GID4: variants seen among roughly 807,000 people sequenced by gnomAD.
The protein encoded by GID4 is glucose-induced degradation protein 4 homolog.
GID4 carries 7 observed loss-of-function variants against 32.4 expected under a neutral mutation model. The observed-to-expected ratio is 0.22, with a 90% CI of 0.12 to 0.41. The LOEUF (loss-of-function observed/expected upper bound fraction) is 0.41. GID4 is among the 10% of genes least tolerant of loss of function. The probability of loss-of-function intolerance (pLI) is 1.00; values close to 1 mark genes in which losing one functional copy is unlikely to be tolerated. For missense variants in GID4, 309 were observed against 400.0 expected (o/e 0.77, Z 1.94); for synonymous variants, 166 against 170.0 (o/e 0.98, Z 0.18).
In GID4 at chr17:18,067,603, T is replaced by C. The variant is rs191555982; in HGVS notation, c.*2360T>C. On this transcript the variant is annotated 3_prime_UTR_variant, in exon 6 of 6. Coordinates refer to ENST00000268719, the MANE Select transcript of GID4 (RefSeq NM_024052.5). Reference sequence around the variant, plus strand: ...CACCTCCTCTTAGTAACTCCTGAATTACCAACATCAACTTCTTTCTCTCCG... The same window carrying C: ...CACCTCCTCTTAGTAACTCCTGAATCACCAACATCAACTTCTTTCTCTCCG... 2 of 152,768 alleles carry C rather than the reference T, an allele frequency of 1.3e-5. No homozygotes were observed. The highest frequency in any genetic ancestry group is 3.9e-4 in the East Asian group (2 of 5,188). 9.5% of individuals were successfully genotyped at this position (152,768 alleles called of 1,614,324 possible). A position where few individuals can be genotyped will look rare whatever the true frequency, so the allele number is the denominator to read the frequency against.
chr17:18,056,908 G>T, intron 3 of GID4: 1 of 1,550,580 alleles, frequency 6.4e-7, no homozygotes. Context: ...CACCACTCAT[G>T]GAGGACTCCC....
At chr17:18,056,721 G>A in intron 3 of GID4, 4 of 1,550,206 alleles carry the variant, frequency 2.6e-6, no homozygotes, top group Non-Finnish European at 3.5e-6. Context: ...AAGATATCTG[G>A]ATCTGCAGAC....
At chr17:18,060,119 A>C (rs1172041659) in intron 4 of GID4, among the ~76,000 whole-genome samples, 1 of 140,596 alleles carries the variant, frequency 7.1e-6, no homozygotes, top group Non-Finnish European at 1.5e-5. Flanking sequence ...AATGGGGATC[A>C]CTGGGCGCGG....
chr17:18,045,097 C>G (rs749702386), intron 1 of GID4, 50 bp from the exon 2 acceptor site: 1 of 1,450,136 alleles, frequency 6.9e-7, no homozygotes, highest in African/African-American at 1.4e-5. Context: ...CCTGCATGTC[C>G]CCTAGTAAGT....
chr17:18,048,598 T>G (rs943868009), intron 2 of GID4, among the ~76,000 whole-genome samples: 3 of 151,946 alleles, frequency 2.0e-5, no homozygotes, highest in African/African-American at 7.2e-5. Flanking sequence ...TGTATTTGGG[T>G]TTTTTTTCTT....
At chr17:18,059,485 G>A (rs2044999888) in intron 4 of GID4, among the ~76,000 whole-genome samples, 1 of 152,166 alleles carries the variant, frequency 6.6e-6, no homozygotes, top group African/African-American at 2.4e-5. Flanking sequence ...AGGAAATGAG[G>A]GACCGGGAAT....
Position 18,044,848 on chromosome 17 carries a change from C to T in GID4, c.439-299C>T, listed in dbSNP as rs1395186509. 2.0e-5 allele frequency among the ~76,000 whole-genome samples: 3 copies of T among 152,162 alleles called. No homozygotes were observed. In the South Asian group the frequency reaches 6.2e-4, roughly 32 times the overall value. On this transcript the variant is annotated intron_variant, in intron 1 of 5. Transcript: ENST00000268719. ...TCAAGGTCTCTAGATGACCGGGAGA[C>T]GTGTGTTGAAGATAGTACAGAAAAT...
intron 2 of GID4, among the ~76,000 whole-genome samples, chr17:18,049,247 A>T (rs2044885515): frequency 6.6e-6 from 1 of 151,582 alleles, no homozygotes; most frequent in Non-Finnish European, 1.5e-5. Context: ...GAGGCAAGAG[A>T]ATCGCTTGAA....
In GID4 at chr17:18,043,271, G is replaced by T. The variant is rs552172180; in HGVS notation, c.439-1876G>T. On this transcript the variant is annotated intron_variant, in intron 1 of 5. Coordinates refer to ENST00000268719, the MANE Select transcript of GID4 (RefSeq NM_024052.5). The stretch of plus-strand genomic sequence containing the variant: ...ATCAATTTGGGCAGAGTAGAGAGAC[G>T]CTTGGTTGAATGGAGGCCAAGCTGA... Among the ~76,000 whole-genome samples, 13 of 152,306 alleles carry T rather than the reference G, an allele frequency of 8.5e-5. No homozygotes were observed. The South Asian group carries it at 2.7e-3, about 32-fold the overall frequency.
chr17:18,064,878 G>C (rs2045046892), intron 5 of GID4, among the ~76,000 whole-genome samples: 1 of 152,020 alleles, frequency 6.6e-6, no homozygotes, highest in Non-Finnish European at 1.5e-5. Context: ...TTGGGCGTGG[G>C]TCTCCATCTT....
At chr17:18,050,662 C>A (rs1357060543) in intron 2 of GID4, among the ~76,000 whole-genome samples, 1 of 152,214 alleles carries the variant, frequency 6.6e-6, no homozygotes, top group Non-Finnish European at 1.5e-5. Context: ...CCAGAAGTTC[C>A]TGTTGACTTA....
chr17:18,065,646 C>A lies in GID4; in HGVS notation c.*403C>A. On this transcript the variant is annotated 3_prime_UTR_variant, in exon 6 of 6. Coordinates refer to ENST00000268719, the MANE Select transcript of GID4 (RefSeq NM_024052.5). The stretch of plus-strand genomic sequence containing the variant: ...GTCCCGAGGCCCTAGACCCCCACCC[C>A]CCGCCAGTTGCTTTGTCTGGTAGCT... 1 of 231,762 alleles carries A rather than the reference C, an allele frequency of 4.3e-6. No homozygotes were observed. The highest frequency in any genetic ancestry group is 5.5e-5 in the South Asian group (1 of 18,148). The allele number at this position is 231,762 out of a possible 1,614,324, so 14.4% of individuals were successfully genotyped here.
Position 18,065,358 on chromosome 17 carries a change from G to T in GID4, c.*115G>T. On this transcript the variant is annotated 3_prime_UTR_variant, in exon 6 of 6. Transcript: ENST00000268719. ...GTGTGTTCCTGTTTCTTCACGAGCA[G>T]ACTCGCATCACAAAGCATGAATGTT... 5.1e-6 allele frequency: 4 copies of T among 779,512 alleles called. No homozygotes were observed. In the South Asian group the frequency reaches 6.0e-5, roughly 12 times the overall value. 48.3% of individuals were successfully genotyped at this position (779,512 alleles called of 1,614,324 possible).
chr17:18,056,889 C>G, intron 3 of GID4: 1 of 1,550,558 alleles, frequency 6.4e-7, no homozygotes, highest in Non-Finnish European at 8.7e-7. Flanking sequence ...CAGCATTTCC[C>G]CTAACTTTCA....
At chr17:18,052,399 C>T (rs1400695229) in intron 2 of GID4, among the ~76,000 whole-genome samples, 1 of 152,144 alleles carries the variant, frequency 6.6e-6, no homozygotes, top group African/African-American at 2.4e-5. Context: ...CAGGAAGGTC[C>T]TACACTACAT....
At position 18,065,489 on chromosome 17, in the gene GID4, C is replaced by T; in HGVS notation, c.*246C>T. ...AGTTTGGTCTTCACCTGTTTTTAAG[C>T]TACCTTAAACGCACTTTTCCTTCCT... On this transcript the variant is annotated 3_prime_UTR_variant, in exon 6 of 6. Transcript: ENST00000268719. The T allele has an allele frequency of 1.9e-6, 1 of 523,674 alleles. No homozygotes were observed. Among genetic ancestry groups the T allele is most frequent in the Non-Finnish European group, 3.5e-6 (1 of 288,206 alleles). The allele number at this position is 523,674 out of a possible 1,614,324, so 32.4% of individuals were successfully genotyped here.
At chr17:18,062,072 T>G in intron 5 of GID4, 97 bp downstream of exon 5, 1 of 1,165,384 alleles carries the variant, frequency 8.6e-7, no homozygotes, top group Non-Finnish European at 1.3e-6. Context: ...TTAGCCTGTC[T>G]CTGTATAGAT....
chr17:18,057,768 CTG>C (rs2044982479), intron 3 of GID4, among the ~76,000 whole-genome samples: 1 of 151,518 alleles, frequency 6.6e-6, no homozygotes, highest in South Asian at 2.1e-4. Flanking sequence ...GGTTCTGTAT[CTG>C]TGGATTCAAC....
At chr17:18,042,017 C>T (rs961198268) in intron 1 of GID4, among the ~76,000 whole-genome samples, 4 of 152,196 alleles carry the variant, frequency 2.6e-5, no homozygotes, top group African/African-American at 9.7e-5. Flanking sequence ...GTCATCATCA[C>T]GACTAGTCAG....
Sources: allele counts gnomAD v4.1 joint callset (sites outside exome capture counted in the v4.1 genomes callset), GRCh38; gene constraint gnomAD v4.1.1; transcripts MANE v1.5; gene names NCBI Gene and HGNC (gene_info 2026-07-23, HGNC 2026-07-21).